The following CDH13 variants were observed in gnomAD, a reference collection of about 807,000 sequenced individuals.
The protein encoded by CDH13 is cadherin 13.
Under a neutral mutation model 63.8 loss-of-function variants are expected in CDH13, and 24 were observed. The ratio of observed to expected loss-of-function variants is 0.38; its 90% CI spans 0.27 to 0.53. CDH13 has a LOEUF of 0.53. Among genes scored for constraint, CDH13 ranks in the 20% least tolerant of loss-of-function variants. The pLI, the probability that CDH13 is intolerant of heterozygous loss-of-function variation, is 0.85. For missense variants in CDH13, 1,049 were observed against 903.1 expected (o/e 1.16, Z -2.07); for synonymous variants, 503 against 355.3 (o/e 1.42, Z -4.67).
At chr16:82,754,580 A>G (rs1282271300) in intron 1 of CDH13, among the ~76,000 whole-genome samples, 8 of 152,172 alleles carry the variant, frequency 5.3e-5, no homozygotes, top group Admixed American at 5.2e-4. Context: ...TCAGACAGAG[A>G]CACAGCTTCT....
At chr16:82,811,112 C>G (rs2037420998) in intron 1 of CDH13, among the ~76,000 whole-genome samples, 1 of 152,102 alleles carries the variant, frequency 6.6e-6, no homozygotes, top group Admixed American at 6.6e-5. Flanking sequence ...AAGAATTTGT[C>G]ATAGATTAAT....
chr16:82,890,109 A>G (rs751016589), intron 2 of CDH13, among the ~76,000 whole-genome samples: 1 of 152,222 alleles, frequency 6.6e-6, no homozygotes, highest in Non-Finnish European at 1.5e-5. Context: ...AGCCTTCGTG[A>G]TTCTAGAGAC....
chr16:83,733,833 C>T (rs1269771225), intron 10 of CDH13, among the ~76,000 whole-genome samples: 1 of 152,168 alleles, frequency 6.6e-6, no homozygotes, highest in East Asian at 1.9e-4. Context: ...ATCACCTGTC[C>T]AGACACCACC....
chr16:83,649,024 G>A (rs1160349248), intron 8 of CDH13, among the ~76,000 whole-genome samples: 2 of 152,192 alleles, frequency 1.3e-5, no homozygotes, highest in Non-Finnish European at 2.9e-5. Flanking sequence ...CACTGGGGAA[G>A]GAAATTCAAG....
At chr16:83,355,021 G>A (rs1006930116) in intron 6 of CDH13, among the ~76,000 whole-genome samples, 1 of 152,142 alleles carries the variant, frequency 6.6e-6, no homozygotes, top group African/African-American at 2.4e-5. Flanking sequence ...CAGACCCCTG[G>A]CTTAGAACTC....
chr16:83,298,869 A>G (rs943192680), intron 5 of CDH13, among the ~76,000 whole-genome samples: 1 of 152,240 alleles, frequency 6.6e-6, no homozygotes, highest in Admixed American at 6.5e-5. Flanking sequence ...CAATAACAGC[A>G]TTAATAGAGA....
In CDH13 at chr16:83,584,905, T is replaced by C. The variant is rs370317003; in HGVS notation, c.961-17549T>C. ...ACATGGCAAAAACAGAAGCAAGAGATAGGGGGAGGTGCCAAATTTAAACAA... is the reference window on the plus strand; with the variant it reads ...ACATGGCAAAAACAGAAGCAAGAGACAGGGGGAGGTGCCAAATTTAAACAA... On this transcript the variant is annotated intron_variant, in intron 7 of 13. Transcript: ENST00000567109. Among the ~76,000 whole-genome samples, 263 of 151,828 alleles carry C rather than the reference T, an allele frequency of 1.7e-3. 2 individuals are homozygous for C. The highest frequency in any genetic ancestry group is 5.6e-3 in the African/African-American group (230 of 41,358).
At chr16:82,957,071 T>C (rs894262179) in intron 2 of CDH13, among the ~76,000 whole-genome samples, 4 of 152,152 alleles carry the variant, frequency 2.6e-5, no homozygotes, top group African/African-American at 9.7e-5. Flanking sequence ...GTGGAATGTA[T>C]CCTGTGTCCT....
At chr16:82,803,072 C>G (rs755605206) in intron 1 of CDH13, among the ~76,000 whole-genome samples, 10 of 152,208 alleles carry the variant, frequency 6.6e-5, no homozygotes, top group Non-Finnish European at 1.3e-4. Flanking sequence ...ATTTAGACAT[C>G]AGAGGCATTT....
At chr16:83,491,317 G>A (rs1567708851) in intron 7 of CDH13, among the ~76,000 whole-genome samples, 1 of 152,104 alleles carries the variant, frequency 6.6e-6, no homozygotes, top group East Asian at 1.9e-4. Flanking sequence ...ATGAAATTAG[G>A]TTCATTTGGG....
At chr16:83,390,206 C>G (rs903440149) in intron 6 of CDH13, among the ~76,000 whole-genome samples, 1 of 152,208 alleles carries the variant, frequency 6.6e-6, no homozygotes, top group African/African-American at 2.4e-5. Flanking sequence ...GAAGCCCCTT[C>G]ATACAGCTTT....
chr16:83,172,343 T>A (rs2037956023), intron 4 of CDH13, among the ~76,000 whole-genome samples: 1 of 151,934 alleles, frequency 6.6e-6, no homozygotes, highest in African/African-American at 2.4e-5. Flanking sequence ...ATGAAAAATT[T>A]AGCCAGGCGT....
intron 2 of CDH13, among the ~76,000 whole-genome samples, chr16:82,864,142 G>A (rs1272048477): frequency 6.6e-6 from 1 of 152,154 alleles, no homozygotes; most frequent in Non-Finnish European, 1.5e-5. Context: ...TAAGGGATTA[G>A]GTTGATGTCA....
intron 6 of CDH13, among the ~76,000 whole-genome samples, chr16:83,347,863 C>T (rs944222428): frequency 1.3e-5 from 2 of 152,142 alleles, no homozygotes; most frequent in African/African-American, 4.8e-5. Flanking sequence ...TACAATAGCC[C>T]GCATTTCTTC....
At chr16:83,324,674 C>T (rs1178840936) in intron 5 of CDH13, among the ~76,000 whole-genome samples, 1 of 152,156 alleles carries the variant, frequency 6.6e-6, no homozygotes, top group Admixed American at 6.5e-5. Flanking sequence ...TTGTTTCTAC[C>T]TTTTGACTAT....
intron 1 of CDH13, among the ~76,000 whole-genome samples, chr16:82,835,289 C>T (rs1224630130): frequency 1.3e-5 from 2 of 152,220 alleles, no homozygotes; most frequent in African/African-American, 4.8e-5. Context: ...ACAGTGGCAG[C>T]TCTAGAGAGC....
chr16:83,647,876 A>G (rs1396959751), intron 8 of CDH13, among the ~76,000 whole-genome samples: 1 of 152,150 alleles, frequency 6.6e-6, no homozygotes, highest in Non-Finnish European at 1.5e-5. Flanking sequence ...CACGATCCCC[A>G]TTATGATCCC....
At chr16:83,404,077 C>T (rs1252098935) in intron 6 of CDH13, among the ~76,000 whole-genome samples, 1 of 152,120 alleles carries the variant, frequency 6.6e-6, no homozygotes, top group African/African-American at 2.4e-5. Flanking sequence ...TTAAAAATCC[C>T]ACAAAAAATG....
At chr16:82,818,100 TCATA>T (rs2037813057) in intron 1 of CDH13, among the ~76,000 whole-genome samples, 1 of 145,472 alleles carries the variant, frequency 6.9e-6, no homozygotes, top group South Asian at 2.2e-4. Context: ...ATGTATTCAC[TCATA>T]CATGTATGGT....
Sources: allele counts gnomAD v4.1 joint callset (sites outside exome capture counted in the v4.1 genomes callset), GRCh38; gene constraint gnomAD v4.1.1; transcripts MANE v1.5; gene names NCBI Gene and HGNC (gene_info 2026-07-23, HGNC 2026-07-21).